Variants in C1orf202 observed in about 807,000 individuals in gnomAD.
The protein encoded by C1orf202 is chromosome 1 open reading frame 202, also known as uncharacterized protein C1orf202.
At chr1:244,730,916 G>C in the C1orf202 span, 1 of 384,528 alleles carries the variant, frequency 2.6e-6, no homozygotes, top group Non-Finnish European at 4.6e-6. Flanking sequence ...AAACCGGGGG[G>C]CCGCCATGGC....
chr1:244,730,225 C>G, the C1orf202 span: 2 of 224,480 alleles, frequency 8.9e-6, no homozygotes, highest in African/African-American at 4.6e-5. Flanking sequence ...GCTTTAGTTA[C>G]TGCTCCGAGG....
the C1orf202 span, chr1:244,730,896 G>A: frequency 4.6e-4 from 177 of 383,906 alleles, no homozygotes; most frequent in African/African-American, 3.3e-3. Context: ...CCGCCGCGCC[G>A]GGGGCCACCA....
chr1:244,730,598 T>TC, the C1orf202 span: 1 of 382,488 alleles, frequency 2.6e-6, no homozygotes, highest in East Asian at 3.7e-5. Context: ...GTCCGGCCGC[T>TC]CCTTGCGCCG....
chr1:244,730,997 G>A, the C1orf202 span: 3 of 344,844 alleles, frequency 8.7e-6, no homozygotes, highest in Non-Finnish European at 1.6e-5. Context: ...CAACGCTGCC[G>A]CCTCCAGGAC....
At chr1:244,730,764 A>G in the C1orf202 span, 1 of 381,088 alleles carries the variant, frequency 2.6e-6, no homozygotes, top group Non-Finnish European at 4.7e-6. Context: ...CGCCAGCACC[A>G]GCACCCAGAG....
chr1:244,730,036 A>G, the C1orf202 span: 1 of 124,746 alleles, frequency 8.0e-6, no homozygotes, highest in South Asian at 2.9e-4. Flanking sequence ...CCCGGGCAAC[A>G]TAGTTGGTTT....
chr1:244,730,405 A>G, the C1orf202 span: 2 of 358,150 alleles, frequency 5.6e-6, no homozygotes, highest in Non-Finnish European at 1.0e-5. Context: ...AAAGAAAAAA[A>G]CAATCCTGAG....
At chr1:244,730,732 G>A in the C1orf202 span, 2,175 of 383,476 alleles carry the variant, frequency 5.7e-3, 17 homozygotes, top group Non-Finnish European at 8.1e-3. Flanking sequence ...GCTTCTTCCT[G>A]CGCGGGCCGC....
the C1orf202 span, chr1:244,730,944 C>T: frequency 1.6e-5 from 6 of 382,340 alleles, no homozygotes; most frequent in South Asian, 1.3e-4. Context: ...GGCCTCTTCT[C>T]GGAGCGCGGG....
At chr1:244,730,808 C>T in the C1orf202 span, 1 of 377,492 alleles carries the variant, frequency 2.6e-6, no homozygotes, top group Non-Finnish European at 4.7e-6. Flanking sequence ...CGCGCGCCGC[C>T]CGACCGCCTC....
At chr1:244,730,685 G>A in the C1orf202 span, 2,214 of 383,636 alleles carry the variant, frequency 5.8e-3, 13 homozygotes, top group Non-Finnish European at 8.3e-3. Context: ...GCCGCGCTCC[G>A]GGGCCTCCTT....
chr1:244,730,758 A>G, the C1orf202 span: 2 of 381,604 alleles, frequency 5.2e-6, no homozygotes, highest in African/African-American at 2.1e-5. Context: ...AGCCGCCGCC[A>G]GCACCAGCAC....
At chr1:244,730,389 G>T in the C1orf202 span, 3 of 351,032 alleles carry the variant, frequency 8.5e-6, no homozygotes, top group South Asian at 4.1e-4. Context: ...TGCTTTTGTT[G>T]ACCAAAAAGA....
At chr1:244,730,928 C>G in the C1orf202 span, 1 of 384,346 alleles carries the variant, frequency 2.6e-6, no homozygotes, top group Non-Finnish European at 4.6e-6. Context: ...CGCCATGGCC[C>G]GCGCAGGCCT....
the C1orf202 span, chr1:244,730,960 C>T: frequency 7.1e-5 from 27 of 377,840 alleles, no homozygotes; most frequent in Non-Finnish European, 1.1e-4. Context: ...GCGGGGCCCA[C>T]ATCTCGGGAA....
the C1orf202 span, chr1:244,730,364 G>T: frequency 3.1e-6 from 1 of 317,618 alleles, no homozygotes; most frequent in Non-Finnish European, 5.7e-6. Flanking sequence ...CGGTGCTGGG[G>T]TTACTTTCAT....
At chr1:244,730,158 T>A in the C1orf202 span, 1 of 199,592 alleles carries the variant, frequency 5.0e-6, no homozygotes, top group Admixed American at 6.0e-5. Flanking sequence ...ATTCAGCGCT[T>A]CCCAGCCCGC....
the C1orf202 span, chr1:244,730,045 T>G: frequency 3.2e-5 from 1 of 31,408 alleles, no homozygotes; most frequent in African/African-American, 7.2e-5. Context: ...CATAGTTGGT[T>G]TTTTTTTTTT....
At chr1:244,730,890 C>T in the C1orf202 span, 11 of 385,320 alleles carry the variant, frequency 2.9e-5, no homozygotes, top group Non-Finnish European at 4.6e-5. Context: ...TGCGCGCCGC[C>T]GCGCCGGGGG....
Sources: gnomAD v4.1 joint callset for allele counts on GRCh38, gnomAD v4.1.1 for gene constraint, MANE v1.5 for transcripts, NCBI Gene and HGNC (gene_info 2026-07-23, HGNC 2026-07-21) for gene names.